The following XKR6 variants were observed in gnomAD, a reference collection of about 807,000 sequenced individuals.
The protein encoded by XKR6 is XK-related protein 6.
Under a neutral mutation model 56.7 loss-of-function variants are expected in XKR6, and 22 were observed. The observed-to-expected ratio is 0.39, with a 90% CI of 0.28 to 0.55. The LOEUF is 0.55. Among genes scored for constraint, XKR6 ranks in the 20% least tolerant of loss-of-function variants. The pLI is 0.66. For synonymous variants in XKR6, 524 were observed against 387.8 expected, an observed-to-expected ratio of 1.35 and a Z score of -4.13; for missense variants, 852 against 889.0, an observed-to-expected ratio of 0.96 and a Z score of 0.53.
At chr8:10,916,210 G>A (rs1800560542) in intron 2 of XKR6, among the ~76,000 whole-genome samples, 2 of 152,220 alleles carry the variant, frequency 1.3e-5, no homozygotes, top group Non-Finnish European at 2.9e-5. Flanking sequence ...TGACGTAGTG[G>A]ATTGGTTGTT....
chr8:11,098,863 T>G (rs566991015), intron 1 of XKR6, among the ~76,000 whole-genome samples: 2 of 152,328 alleles, frequency 1.3e-5, no homozygotes, highest in East Asian at 3.9e-4. Context: ...AAGTTGGTTT[T>G]AAATAGACTT....
intron 1 of XKR6, among the ~76,000 whole-genome samples, chr8:10,976,939 C>T (rs953272375): frequency 6.6e-6 from 1 of 150,496 alleles, no homozygotes; most frequent in Non-Finnish European, 1.5e-5. Flanking sequence ...GAGGTGGTCC[C>T]TGCTGAGCGT....
intron 1 of XKR6, among the ~76,000 whole-genome samples, chr8:10,931,775 G>C (rs1342579373): frequency 6.6e-6 from 1 of 151,792 alleles, no homozygotes; most frequent in Non-Finnish European, 1.5e-5. Context: ...GAGTGGTTCT[G>C]TACCTTGTAT....
chr8:10,990,663 T>C (rs543239207), intron 1 of XKR6, among the ~76,000 whole-genome samples: 1 of 152,244 alleles, frequency 6.6e-6, no homozygotes, highest in African/African-American at 2.4e-5. Context: ...TACTGTAACC[T>C]CAACTTCTCA....
At chr8:11,005,243 T>C (rs2129144189) in intron 1 of XKR6, among the ~76,000 whole-genome samples, 1 of 152,232 alleles carries the variant, frequency 6.6e-6, no homozygotes, top group East Asian at 1.9e-4. Context: ...GGCACACAAC[T>C]CAAAACTCAT....
intron 2 of XKR6, among the ~76,000 whole-genome samples, chr8:10,906,037 A>G (rs1171877032): frequency 6.6e-6 from 1 of 152,216 alleles, no homozygotes; most frequent in Non-Finnish European, 1.5e-5. Context: ...AAGCCGTTAA[A>G]TAACCCACCC....
At chr8:11,184,758 C>A (rs1431990304) in intron 1 of XKR6, among the ~76,000 whole-genome samples, 1 of 152,028 alleles carries the variant, frequency 6.6e-6, no homozygotes, top group Admixed American at 6.6e-5. Context: ...TCTCAAACTC[C>A]TGGGCTCATG....
At chr8:11,085,760 C>A (rs532885352) in intron 1 of XKR6, among the ~76,000 whole-genome samples, 1 of 152,152 alleles carries the variant, frequency 6.6e-6, no homozygotes, top group African/African-American at 2.4e-5. Context: ...GGCCCTGGGA[C>A]AGCAACGGTC....
chr8:10,898,507 C>A lies in XKR6; in HGVS notation c.1371G>T (p.Thr457=), dbSNP rs750390583. The A allele has an allele frequency of 1.9e-6, 3 of 1,613,846 alleles. No homozygotes were observed. The African/African-American group carries it at 4.0e-5, about 22-fold the overall frequency. Residue 457 remains threonine, a synonymous_variant, in exon 3 of 3, where the codon ACG becomes ACT. Coordinates refer to ENST00000416569, the MANE Select transcript of XKR6 (RefSeq NM_173683.4). This position sits in a 1 kb window ranked among gnomAD's most constrained non-coding sequence, Gnocchi z 6.6. ...TIVLTENAAL[T]FLWYFYRDPE... is the part of the protein sequence containing the mutation. ...GGTCTCTGTAAAAATACCAAAGGAA[C>A]GTCAAGGCAGCATTCTCGGTCAAGA... is the stretch of plus-strand genomic sequence containing the variant.
intron 1 of XKR6, among the ~76,000 whole-genome samples, chr8:11,156,430 C>T (rs142357405): frequency 7.2e-5 from 11 of 152,292 alleles, no homozygotes; most frequent in African/African-American, 2.6e-4. Flanking sequence ...TTCAGCTGGG[C>T]TGAATTCCTG....
chr8:11,150,824 G>A (rs1018046430), intron 1 of XKR6, among the ~76,000 whole-genome samples: 5 of 136,374 alleles, frequency 3.7e-5, no homozygotes, highest in South Asian at 2.3e-4. Context: ...CTGCACTCCA[G>A]CCTGGGTGAC....
intron 1 of XKR6, among the ~76,000 whole-genome samples, chr8:11,086,149 T>TATATATATATATATATATATATATA (rs1554454135): frequency 6.9e-5 from 7 of 100,768 alleles, no homozygotes; most frequent in African/African-American, 2.4e-4. Flanking sequence ...TATATATATA[T>TATATATATATATATATATATATATA]TTTTTTTTAA....
At chr8:11,068,325 A>G (rs1800032657) in intron 1 of XKR6, among the ~76,000 whole-genome samples, 1 of 151,998 alleles carries the variant, frequency 6.6e-6, no homozygotes, top group African/African-American at 2.4e-5. Flanking sequence ...TCCCTGGGAT[A>G]CGGTGGGTGG....
Position 11,057,300 on chromosome 8 carries a change from TTC to T in XKR6, c.765-132472_765-132471del, listed in dbSNP as rs1223391543. On this transcript the variant is annotated intron_variant, in intron 1 of 2. Transcript: ENST00000416569. ...CTAGATACCTTATTTATTTCTGGTA[TTC>T]TCTGTCTCCCTCCCCCACTAGAATG... Among the ~76,000 whole-genome samples, 17 of 152,346 alleles carry T rather than the reference TTC, an allele frequency of 1.1e-4. 1 individual carries two copies. Among genetic ancestry groups the T allele is most frequent in the African/African-American group, 3.6e-4 (15 of 41,582 alleles).
chr8:11,060,757 T>C (rs777529906), intron 1 of XKR6, among the ~76,000 whole-genome samples: 2 of 152,188 alleles, frequency 1.3e-5, no homozygotes, highest in Non-Finnish European at 2.9e-5. Context: ...ATTCATCCAA[T>C]AAATACTTAT....
chr8:11,160,987 G>A (rs939914015), intron 1 of XKR6, among the ~76,000 whole-genome samples: 2 of 151,826 alleles, frequency 1.3e-5, no homozygotes, highest in African/African-American at 4.8e-5. Context: ...AAAATTCAGG[G>A]TGTGGCTCCT....
At chr8:10,998,386 C>A (rs899884789) in intron 1 of XKR6, among the ~76,000 whole-genome samples, 1 of 152,156 alleles carries the variant, frequency 6.6e-6, no homozygotes, top group African/African-American at 2.4e-5. Flanking sequence ...GACCTGCAAG[C>A]CCTAGAATAA....
intron 1 of XKR6, among the ~76,000 whole-genome samples, chr8:11,029,153 A>G (rs979229767): frequency 5.9e-5 from 9 of 151,960 alleles, no homozygotes; most frequent in East Asian, 5.8e-4. Context: ...ACCCAGCCCT[A>G]TCTCTATCAT....
intron 1 of XKR6, chr8:11,124,613 G>A (rs1799663849): frequency 6.5e-6 from 1 of 153,062 alleles, no homozygotes; most frequent in Non-Finnish European, 1.5e-5. Flanking sequence ...GAGGCGAACA[G>A]AAATTAAGAA....
Sources: gnomAD v4.1 joint callset for allele counts (sites outside exome capture counted in the v4.1 genomes callset) on GRCh38, gnomAD v4.1.1 for gene constraint, Gnocchi (gnomAD v3.1) non-coding constraint, MANE v1.5 for transcripts, NCBI Gene and HGNC (gene_info 2026-07-23, HGNC 2026-07-21) for gene names.